SUCLG2: variants seen among roughly 807,000 people sequenced by gnomAD.
SUCLG2 encodes succinate-CoA ligase GDP-forming subunit beta, also known as succinate--CoA ligase [GDP-forming] subunit beta, mitochondrial.
A neutral mutation model predicts 47.9 loss-of-function variants in SUCLG2; 42 were observed. The observed-to-expected ratio is 0.88, with a 90% CI of 0.69 to 1.14. SUCLG2 has a LOEUF of 1.14. Ranked by LOEUF, SUCLG2 falls within the 50% of genes most tolerant of loss-of-function variation. The pLI is 0.00. For missense variants in SUCLG2, 571 were observed against 525.9 expected, an observed-to-expected ratio of 1.09 and a Z score of -0.84; for synonymous variants, 195 against 197.3, an observed-to-expected ratio of 0.99 and a Z score of 0.10.
chr3:67,406,619 T>A (rs1205022969), intron 9 of SUCLG2, among the ~76,000 whole-genome samples: 1 of 151,966 alleles, frequency 6.6e-6, no homozygotes, highest in African/African-American at 2.4e-5. Flanking sequence ...GTGTGGTGCA[T>A]TTGAGAAACT....
At chr3:67,493,981 C>T (rs1393589051) in intron 9 of SUCLG2, among the ~76,000 whole-genome samples, 2 of 152,170 alleles carry the variant, frequency 1.3e-5, no homozygotes, top group African/African-American at 4.8e-5. Context: ...TATTCCTGAA[C>T]GGCACTGGAG....
intron 7 of SUCLG2, among the ~76,000 whole-genome samples, chr3:67,500,238 A>G (rs189394423): frequency 3.3e-5 from 5 of 151,728 alleles, no homozygotes; most frequent in Admixed American, 2.6e-4. Context: ...ATGGCTGTAT[A>G]TGGCATCTTG....
intron 2 of SUCLG2, among the ~76,000 whole-genome samples, chr3:67,548,691 G>A (rs544016324): frequency 3.3e-5 from 5 of 152,114 alleles, no homozygotes; most frequent in Admixed American, 6.6e-5. Context: ...TATTGTTTCT[G>A]AGAACATATT....
At chr3:67,436,895 C>T (rs1377049958) in intron 9 of SUCLG2, among the ~76,000 whole-genome samples, 2 of 152,020 alleles carry the variant, frequency 1.3e-5, no homozygotes, top group African/African-American at 4.8e-5. Flanking sequence ...GTTTAAACAC[C>T]TACATGTACT....
chr3:67,624,493 AT>A (rs56229904), intron 1 of SUCLG2, among the ~76,000 whole-genome samples: 8,719 of 152,286 alleles, frequency 0.057, 341 homozygotes, highest in African/African-American at 0.11. Context: ...TTCTTTCACA[AT>A]TTCATTGTCA....
intron 1 of SUCLG2, among the ~76,000 whole-genome samples, chr3:67,625,703 G>A (rs1004121397): frequency 2.0e-5 from 3 of 152,150 alleles, no homozygotes; most frequent in Admixed American, 1.3e-4. Context: ...ACCGATGGCC[G>A]GGAAAATGAA....
intron 10 of SUCLG2, 133 bp downstream of exon 10, chr3:67,400,598 T>C: frequency 7.8e-7 from 1 of 1,278,912 alleles, no homozygotes; most frequent in Non-Finnish European, 1.1e-6. Context: ...AGTCCTGCCG[T>C]ACTGTGTTTG....
At chr3:67,414,650 A>AT (rs35514867) in intron 9 of SUCLG2, among the ~76,000 whole-genome samples, 4,397 of 152,212 alleles carry the variant, frequency 0.029, 212 homozygotes, top group African/African-American at 0.1. Flanking sequence ...AAAATTCTGG[A>AT]TTTTTAAAAA....
chr3:67,396,012 A>G (rs1406004285), intron 10 of SUCLG2, among the ~76,000 whole-genome samples: 2 of 152,176 alleles, frequency 1.3e-5, no homozygotes, highest in South Asian at 2.1e-4. Flanking sequence ...TCTGGGACAC[A>G]TTCAAAGCAG....
intron 2 of SUCLG2, among the ~76,000 whole-genome samples, chr3:67,535,385 G>A (rs1370986144): frequency 1.3e-5 from 2 of 151,932 alleles, no homozygotes; most frequent in Non-Finnish European, 2.9e-5. Flanking sequence ...CCTCCAGATG[G>A]AGAAGTGGAT....
intron 2 of SUCLG2, among the ~76,000 whole-genome samples, chr3:67,598,945 A>G (rs1217456558): frequency 6.6e-6 from 1 of 152,154 alleles, no homozygotes; most frequent in Non-Finnish European, 1.5e-5. Flanking sequence ...CTTAAATACT[A>G]CCACAGTGCC....
chr3:67,645,283 A>G (rs1701171260), intron 1 of SUCLG2, among the ~76,000 whole-genome samples: 1 of 152,148 alleles, frequency 6.6e-6, no homozygotes, highest in Non-Finnish European at 1.5e-5. Flanking sequence ...ATATACTCAT[A>G]TCAAACAAAA....
At chr3:67,433,397 A>G (rs1159237890) in intron 9 of SUCLG2, among the ~76,000 whole-genome samples, 1 of 152,148 alleles carries the variant, frequency 6.6e-6, no homozygotes, top group Admixed American at 6.5e-5. Flanking sequence ...GAAAGGAACC[A>G]ATTTTATTCA....
chr3:67,471,656 A>G (rs943849720), intron 9 of SUCLG2, among the ~76,000 whole-genome samples: 1 of 152,138 alleles, frequency 6.6e-6, no homozygotes, highest in Non-Finnish European at 1.5e-5. Flanking sequence ...ATGATGATGA[A>G]GAAGAAGAAG....
At chr3:67,601,760 T>C (rs1225821931) in intron 2 of SUCLG2, among the ~76,000 whole-genome samples, 1 of 152,030 alleles carries the variant, frequency 6.6e-6, no homozygotes, top group African/African-American at 2.4e-5. Context: ...AGTGGGAAGA[T>C]CACTCGAGGC....
chr3:67,615,819 T>C (rs1231289555), intron 1 of SUCLG2, among the ~76,000 whole-genome samples: 3 of 152,068 alleles, frequency 2.0e-5, no homozygotes, highest in Admixed American at 1.3e-4. Context: ...TGGGTATCTA[T>C]CCTAGCAAAA....
chr3:67,654,604 G>A lies in SUCLG2; in HGVS notation c.-18C>T, dbSNP rs148715548. ...GACGCCATCTTAAACAGGAAACTCG[G>A]CACGGGGCAGTAGGGCGGGCGCGGG... On this transcript the variant is annotated 5_prime_UTR_variant, in exon 1 of 11. Coordinates refer to ENST00000307227, the MANE Select transcript of SUCLG2 (RefSeq NM_003848.4). The A allele has an allele frequency of 8.9e-4, 1,128 of 1,265,258 alleles. 7 individuals are homozygous for A. In the African/African-American group the frequency reaches 0.015, roughly 17 times the overall value. 78.4% of individuals were successfully genotyped at this position (1,265,258 alleles called of 1,614,324 possible).
At chr3:67,614,219 C>A (rs1389430146) in intron 1 of SUCLG2, among the ~76,000 whole-genome samples, 1 of 152,076 alleles carries the variant, frequency 6.6e-6, no homozygotes, top group East Asian at 1.9e-4. Context: ...CAGTCATTTG[C>A]CAGCCTGCCC....
At chr3:67,363,491 C>T (rs969977022) in intron 10 of SUCLG2, among the ~76,000 whole-genome samples, 3 of 152,088 alleles carry the variant, frequency 2.0e-5, no homozygotes, top group Non-Finnish European at 2.9e-5. Context: ...GCTAGAAAAA[C>T]GCCCGTCATA....
Sources: allele counts gnomAD v4.1 joint callset (sites outside exome capture counted in the v4.1 genomes callset), GRCh38; gene constraint gnomAD v4.1.1; transcripts MANE v1.5; gene names NCBI Gene and HGNC (gene_info 2026-07-23, HGNC 2026-07-21).